The following PI4KA variants were observed in gnomAD, a reference collection of about 807,000 sequenced individuals.
The protein encoded by PI4KA is PI4-kinase alpha.
PI4KA carries 122 observed loss-of-function variants against 271.4 expected under a neutral mutation model. The ratio of observed to expected loss-of-function variants is 0.45; its 90% CI spans 0.39 to 0.52. The LOEUF is 0.52. Ranked by LOEUF, PI4KA falls within the 20% of genes least tolerant of loss-of-function variation. The pLI, the probability that PI4KA is intolerant of heterozygous loss-of-function variation, is 0.00. For synonymous variants in PI4KA, 1,041 were observed against 1,078.8 expected (o/e 0.96, Z 0.69); for missense variants, 1,969 against 2,769.1 (o/e 0.71, Z 6.48).
At chr22:20,842,186 C>G (rs2147788188) in intron 1 of PI4KA, among the ~76,000 whole-genome samples, 1 of 152,004 alleles carries the variant, frequency 6.6e-6, no homozygotes, top group Admixed American at 6.5e-5. Context: ...TGAGATTGCG[C>G]CACTGCACTC....
At chr22:20,757,344 C>A (rs971778731) in intron 23 of PI4KA, among the ~76,000 whole-genome samples, 2 of 152,156 alleles carry the variant, frequency 1.3e-5, no homozygotes, top group African/African-American at 2.4e-5. Context: ...GTACAATGTA[C>A]TGCAAAAATG....
intron 1 of PI4KA, among the ~76,000 whole-genome samples, chr22:20,853,607 A>AACT (rs773071976): frequency 4.6e-5 from 7 of 152,204 alleles, no homozygotes; most frequent in Non-Finnish European, 1.0e-4. Flanking sequence ...CTTCACAGAC[A>AACT]GAGTGTCCTC....
At chr22:20,838,578 T>C in intron 2 of PI4KA, 37 bp downstream of exon 2, 1 of 1,234,846 alleles carries the variant, frequency 8.1e-7, no homozygotes, top group East Asian at 2.3e-5. Flanking sequence ...ACACCCCCTT[T>C]TACAATGAAG....
Position 20,713,017 on chromosome 22 carries a change from C to G in PI4KA, c.5572-220G>C, listed in dbSNP as rs575277286. On this transcript the variant is annotated intron_variant, in intron 48 of 54. Transcript: ENST00000255882. ...TGGGCTGAGCATGAGGCTGAGCTGT[C>G]TGGTGGGGTGTGTGAGATAAGGCAC... 62 of 618,294 alleles carry G rather than the reference C, an allele frequency of 1.0e-4. No individual in the cohort carries two copies. The East Asian group carries it at 1.7e-3, about 17-fold the overall frequency. 38.3% of individuals were successfully genotyped at this position (618,294 alleles called of 1,614,324 possible). A position where few individuals can be genotyped will look rare whatever the true frequency, so the allele number is the denominator to read the frequency against.
At chr22:20,731,473 C>A (rs1928041849) in intron 36 of PI4KA, among the ~76,000 whole-genome samples, 1 of 151,980 alleles carries the variant, frequency 6.6e-6, no homozygotes, top group Admixed American at 6.6e-5. Context: ...CCTGTAATCC[C>A]AGCACTTTAG....
At chr22:20,849,088 G>C (rs1205934539) in intron 1 of PI4KA, among the ~76,000 whole-genome samples, 2 of 152,162 alleles carry the variant, frequency 1.3e-5, no homozygotes, top group Non-Finnish European at 2.9e-5. Context: ...GGATAGAATA[G>C]GCTGGCTCAA....
At chr22:20,710,675 A>C (rs2147163778) in intron 52 of PI4KA, 24 bp downstream of exon 52, 2 of 1,613,842 alleles carry the variant, frequency 1.2e-6, no homozygotes, top group East Asian at 4.5e-5. Context: ...CTCCGCCTCC[A>C]CCCTGGCCCT....
At chr22:20,829,610 C>T (rs1288746966) in intron 3 of PI4KA, among the ~76,000 whole-genome samples, 1 of 150,724 alleles carries the variant, frequency 6.6e-6, no homozygotes, top group Non-Finnish European at 1.5e-5. Context: ...AAAACCAACT[C>T]CTGGATTTGT....
At chr22:20,846,391 TA>T (rs112454433) in intron 1 of PI4KA, among the ~76,000 whole-genome samples, 12 of 150,756 alleles carry the variant, frequency 8.0e-5, no homozygotes, top group Non-Finnish European at 1.5e-4. Context: ...TCTCAATTAT[TA>T]AAAAAAAATA....
intron 14 of PI4KA, 81 bp from the exon 15 acceptor site, chr22:20,799,847 G>A (rs912269418): frequency 1.2e-6 from 1 of 831,496 alleles, no homozygotes; most frequent in African/African-American, 1.7e-5. Flanking sequence ...CCTTCCTTAG[G>A]CCTACAAAGT....
At chr22:20,754,880 A>C (rs111712701) in intron 23 of PI4KA, among the ~76,000 whole-genome samples, 10,393 of 152,222 alleles carry the variant, frequency 0.068, 342 homozygotes, top group East Asian at 0.079. Context: ...CCCAGGAGAC[A>C]GAGGTTGCAG....
At position 20,812,786 on chromosome 22, in the gene PI4KA, C is replaced by T. The variant is rs569209559; in HGVS notation, c.1005+572G>A. On this transcript the variant is annotated intron_variant, in intron 8 of 54. Transcript: ENST00000255882. Reference sequence around the variant, plus strand: ...GGCCAGGCTAGTCTCGAACTCCTGACCTCAAGTGATCCGCCCACTTTGGCC... The same window carrying T: ...GGCCAGGCTAGTCTCGAACTCCTGATCTCAAGTGATCCGCCCACTTTGGCC... Among the ~76,000 whole-genome samples, 77 of 152,250 alleles carry T rather than the reference C, an allele frequency of 5.1e-4. 1 individual carries two copies. The South Asian group carries it at 0.016, about 31-fold the overall frequency.
At chr22:20,779,751 A>G in intron 19 of PI4KA, 2 of 1,614,168 alleles carry the variant, frequency 1.2e-6, no homozygotes, top group Non-Finnish European at 1.7e-6. Context: ...CCAGGTCAAC[A>G]CTTTCGATAA....
rs769028186 is a variant in PI4KA, at chr22:20,729,693, T to G, written c.4427A>C (p.Asn1476Thr). ...GTATTTGTGCAGCTGGGAGCCCCGG[T>G]TGGTTTTCTTAGACATGCCTAGGAG... ...SKKSGMSKKT[N>T]RGSQLHKYYM... Residue 1476 changes from asparagine to threonine, a missense_variant, in exon 38 of 55, where the codon AAC becomes ACC. Asn to Thr is a moderately conservative substitution (Grantham distance 65). Coordinates refer to ENST00000255882, the MANE Select transcript of PI4KA (RefSeq NM_058004.4). The G allele has an allele frequency of 2.5e-6, 4 of 1,591,898 alleles. No homozygotes were observed. Among genetic ancestry groups the G allele is most frequent in the East Asian group, 2.3e-5 (1 of 44,406 alleles).
intron 12 of PI4KA, among the ~76,000 whole-genome samples, chr22:20,803,749 C>A (rs1935481922): frequency 6.6e-6 from 1 of 152,254 alleles, no homozygotes; most frequent in East Asian, 1.9e-4. Flanking sequence ...CCAGGTTGGG[C>A]TCAAGCGATC....
Position 20,820,603 on chromosome 22 carries a change from C to T in PI4KA, c.465G>A (p.Glu155=), listed in dbSNP as rs1250267604. Residue 155 remains glutamate (E), a synonymous_variant, in exon 5 of 55, where the codon GAG becomes GAA. Coordinates refer to ENST00000255882, the MANE Select transcript of PI4KA (RefSeq NM_058004.4). ...GGACATGCAAAACCTGCAAAAGCACCTCTAAAATCTGTAACAGTCAAGGAA... is the reference window on the plus strand; with the variant it reads ...GGACATGCAAAACCTGCAAAAGCACTTCTAAAATCTGTAACAGTCAAGGAA... The part of the protein sequence containing the change: ...RDPSLRDEIL[E]VLLQVLHVLL... 1.2e-6 allele frequency: 2 copies of T among 1,605,100 alleles called. No homozygotes were observed. The highest frequency in any genetic ancestry group is 2.2e-5 in the South Asian group (2 of 90,294).
intron 42 of PI4KA, chr22:20,721,841 C>T (rs4820579): frequency 0.44 from 76,908 of 173,982 alleles, 18,336 homozygotes; most frequent in African/African-American, 0.62. Flanking sequence ...CCTTCACAAA[C>T]TGACACACTG....
intron 5 of PI4KA, 114 bp downstream of exon 5, chr22:20,820,425 A>G: frequency 1.4e-6 from 1 of 710,450 alleles, no homozygotes. Flanking sequence ...CTAAAATAGG[A>G]AGGTTTTCTC....
At chr22:20,752,570 C>A (rs1257380542) in intron 25 of PI4KA, among the ~76,000 whole-genome samples, 1 of 152,188 alleles carries the variant, frequency 6.6e-6, no homozygotes, top group Non-Finnish European at 1.5e-5. Context: ...AGATACTGAT[C>A]CTACCAGGGG....
Sources: allele counts gnomAD v4.1 joint callset (sites outside exome capture counted in the v4.1 genomes callset), GRCh38; gene constraint gnomAD v4.1.1; transcripts MANE v1.5; gene names NCBI Gene and HGNC (gene_info 2026-07-23, HGNC 2026-07-21).